The following CRIM1 variants were observed in gnomAD, a reference collection of about 807,000 sequenced individuals.
CRIM1 encodes cysteine-rich motor neuron 1 protein.
Under a neutral mutation model 116.4 loss-of-function variants are expected in CRIM1, and 32 were observed. The ratio of observed to expected loss-of-function variants is 0.27; its 90% CI spans 0.21 to 0.37. CRIM1 has a LOEUF of 0.37. Among genes scored for constraint, CRIM1 ranks in the 10% least tolerant of loss-of-function variants. The probability of loss-of-function intolerance (pLI) is 1.00; values close to 1 mark genes in which losing one functional copy is unlikely to be tolerated. For synonymous variants in CRIM1, 590 were observed against 509.2 expected, an observed-to-expected ratio of 1.16 and a Z score of -2.13; for missense variants, 1,331 against 1,354.8, an observed-to-expected ratio of 0.98 and a Z score of 0.28.
At chr2:36,474,172 C>T (rs925879760) in intron 5 of CRIM1, among the ~76,000 whole-genome samples, 61 of 151,592 alleles carry the variant, frequency 4.0e-4, no homozygotes, top group Non-Finnish European at 5.9e-5. Flanking sequence ...AAGGTTTGCC[C>T]GTTTTGATTA....
intron 2 of CRIM1, among the ~76,000 whole-genome samples, chr2:36,430,849 T>G (rs3770890): frequency 0.016 from 2,512 of 152,320 alleles, 32 homozygotes; most frequent in East Asian, 0.096. Context: ...TCCTTACCAT[T>G]CTATGCCATC....
At chr2:36,476,016 A>T (rs1298009552) in intron 5 of CRIM1, among the ~76,000 whole-genome samples, 3 of 151,536 alleles carry the variant, frequency 2.0e-5, no homozygotes, top group Non-Finnish European at 4.4e-5. Flanking sequence ...TACATTTATA[A>T]TATACTGATC....
At chr2:36,488,433 G>C (rs368873117) in intron 7 of CRIM1, among the ~76,000 whole-genome samples, 10 of 152,280 alleles carry the variant, frequency 6.6e-5, no homozygotes, top group Middle Eastern at 3.4e-3. Flanking sequence ...AATGCAGATT[G>C]GGAAATCTGT....
At chr2:36,360,793 C>T (rs1392669415) in intron 1 of CRIM1, among the ~76,000 whole-genome samples, 1 of 152,078 alleles carries the variant, frequency 6.6e-6, no homozygotes, top group Non-Finnish European at 1.5e-5. Flanking sequence ...TAAGAGTCCA[C>T]GAATTTTAAT....
intron 8 of CRIM1, among the ~76,000 whole-genome samples, chr2:36,500,139 C>T (rs867404591): frequency 3.9e-5 from 6 of 152,064 alleles, no homozygotes; most frequent in Admixed American, 2.0e-4. Flanking sequence ...CCAGCCTGGA[C>T]GACATGGCGA....
chr2:36,492,217 GA>G, intron 7 of CRIM1, among the ~76,000 whole-genome samples: 1 of 152,102 alleles, frequency 6.6e-6, no homozygotes, highest in East Asian at 1.9e-4. Flanking sequence ...CAAATCTTGG[GA>G]ACATTTGCAC....
chr2:36,484,059 A>T (rs1679628140), intron 7 of CRIM1, among the ~76,000 whole-genome samples: 1 of 152,294 alleles, frequency 6.6e-6, no homozygotes, highest in Non-Finnish European at 1.5e-5. Flanking sequence ...TCTGATGGGC[A>T]CTCAGCTCTG....
At chr2:36,547,420 C>G (rs557223697) in intron 16 of CRIM1, among the ~76,000 whole-genome samples, 1 of 152,198 alleles carries the variant, frequency 6.6e-6, no homozygotes, top group South Asian at 2.1e-4. Context: ...CCAGTTTTCT[C>G]GATGTACTCT....
At chr2:36,466,777 A>C (rs1309809206) in intron 5 of CRIM1, among the ~76,000 whole-genome samples, 2 of 152,114 alleles carry the variant, frequency 1.3e-5, no homozygotes, top group African/African-American at 4.8e-5. Context: ...TCAGCCCATA[A>C]ATGGGTTACT....
intron 2 of CRIM1, among the ~76,000 whole-genome samples, chr2:36,422,837 C>T (rs1674173474): frequency 6.6e-6 from 1 of 152,136 alleles, no homozygotes; most frequent in African/African-American, 2.4e-5. Context: ...GGCTCTGGGG[C>T]TGAAATTTGC....
intron 2 of CRIM1, among the ~76,000 whole-genome samples, chr2:36,429,246 G>T (rs1480004400): frequency 6.6e-6 from 1 of 152,136 alleles, no homozygotes; most frequent in African/African-American, 2.4e-5. Flanking sequence ...ACCATAATCT[G>T]TTGAGACTTA....
At chr2:36,397,662 A>G (rs1435126050) in intron 2 of CRIM1, among the ~76,000 whole-genome samples, 1 of 152,192 alleles carries the variant, frequency 6.6e-6, no homozygotes, top group Non-Finnish European at 1.5e-5. Context: ...TCCAAAAATC[A>G]AGCTTATAAG....
intron 14 of CRIM1, among the ~76,000 whole-genome samples, chr2:36,541,182 G>A (rs530626680): frequency 2.8e-4 from 42 of 152,120 alleles, no homozygotes; most frequent in African/African-American, 9.6e-4. Context: ...AAAGTTTCAC[G>A]CTTCCATTTC....
intron 13 of CRIM1, among the ~76,000 whole-genome samples, chr2:36,530,206 G>T (rs3755197): frequency 0.35 from 53,699 of 151,886 alleles, 9,820 homozygotes; most frequent in Middle Eastern, 0.46. Flanking sequence ...CATCTGTTTT[G>T]AGCAAGACTT....
chr2:36,389,526 C>T (rs1346085958), intron 1 of CRIM1, among the ~76,000 whole-genome samples: 6 of 152,146 alleles, frequency 3.9e-5, no homozygotes, highest in Non-Finnish European at 7.4e-5. Flanking sequence ...TGAGCTTCTG[C>T]GTGTGTACTG....
intron 5 of CRIM1, among the ~76,000 whole-genome samples, chr2:36,473,062 T>C (rs1216266573): frequency 6.6e-6 from 1 of 152,220 alleles, no homozygotes; most frequent in Non-Finnish European, 1.5e-5. Context: ...ACGTCATCTC[T>C]TTAAGTTTCA....
At chr2:36,514,280 C>T (rs960682888) in intron 11 of CRIM1, among the ~76,000 whole-genome samples, 2 of 152,090 alleles carry the variant, frequency 1.3e-5, no homozygotes, top group East Asian at 3.8e-4. Flanking sequence ...ACCACACGTC[C>T]AAAACATTTA....
chr2:36,549,472 GC>G lies in CRIM1; in HGVS notation c.*772del, dbSNP rs1444137112. The G allele has an allele frequency of 2.3e-5, 3 of 129,022 alleles. No homozygotes were observed. The highest frequency in any genetic ancestry group is 3.3e-5 in the Non-Finnish European group (2 of 59,984). 8.0% of individuals were successfully genotyped at this position (129,022 alleles called of 1,614,324 possible). A position where few individuals can be genotyped will look rare whatever the true frequency, so the allele number is the denominator to read the frequency against. ...GTCATTTCTTGATGTGAGCACTGGA[GC>G]TTTTTTTTTTTTACAACGTGACAGG... On this transcript the variant is annotated 3_prime_UTR_variant, in exon 17 of 17. Transcript: ENST00000280527.
At chr2:36,434,908 T>A (rs1402731243) in intron 2 of CRIM1, among the ~76,000 whole-genome samples, 1 of 152,208 alleles carries the variant, frequency 6.6e-6, no homozygotes, top group African/African-American at 2.4e-5. Context: ...CCTTCTTTCA[T>A]GCAAGCCTGT....
Sources: allele counts gnomAD v4.1 joint callset (sites outside exome capture counted in the v4.1 genomes callset), GRCh38; gene constraint gnomAD v4.1.1; transcripts MANE v1.5; gene names NCBI Gene and HGNC (gene_info 2026-07-23, HGNC 2026-07-21).